TMC2: variants seen among roughly 807,000 people sequenced by gnomAD.
The protein encoded by TMC2 is transmembrane channel like 2.
A neutral mutation model predicts 105.9 loss-of-function variants in TMC2; 102 were observed. That is an observed-to-expected ratio of 0.96 (90% CI 0.82 to 1.14). The LOEUF is 1.14. Ranked by LOEUF, TMC2 falls within the 50% of genes most tolerant of loss-of-function variation. TMC2 has a pLI of 0.00. For missense variants in TMC2, 1,093 were observed against 1,134.3 expected, an observed-to-expected ratio of 0.96 and a Z score of 0.52; for synonymous variants, 402 against 422.8, an observed-to-expected ratio of 0.95 and a Z score of 0.60.
chr20:2,539,869 G>A (rs990674992), intron 2 of TMC2, among the ~76,000 whole-genome samples: 1 of 152,084 alleles, frequency 6.6e-6, no homozygotes, highest in Non-Finnish European at 1.5e-5. Context: ...CAGGGAGTGA[G>A]AAGAAGAAAG....
At chr20:2,568,797 C>T (rs6114972) in intron 4 of TMC2, among the ~76,000 whole-genome samples, 18,329 of 152,140 alleles carry the variant, frequency 0.12, 1,336 homozygotes, top group African/African-American at 0.19. Flanking sequence ...GGAGGACATA[C>T]AGCCCAGTTC....
chr20:2,542,619 C>A (rs562567705), intron 2 of TMC2, among the ~76,000 whole-genome samples: 1 of 152,136 alleles, frequency 6.6e-6, no homozygotes, highest in South Asian at 2.1e-4. Flanking sequence ...CTTTGTGAAG[C>A]ATTTCCAACA....
chr20:2,605,183 G>A (rs1242097642), intron 11 of TMC2, among the ~76,000 whole-genome samples: 1 of 151,826 alleles, frequency 6.6e-6, no homozygotes, highest in African/African-American at 2.4e-5. Context: ...TCAGAAAATT[G>A]GTTGGTATGG....
At chr20:2,550,503 G>T (rs1410993215) in intron 2 of TMC2, among the ~76,000 whole-genome samples, 2 of 152,132 alleles carry the variant, frequency 1.3e-5, no homozygotes, top group African/African-American at 4.8e-5. Context: ...TAACTAAAGT[G>T]CATATTTTAC....
At chr20:2,560,836 CAAAA>C (rs67659988) in intron 3 of TMC2, among the ~76,000 whole-genome samples, 3 of 126,142 alleles carry the variant, frequency 2.4e-5, no homozygotes, top group Admixed American at 8.0e-5. Flanking sequence ...GACTCCATCT[CAAAA>C]AAAAAAAAAA....
In TMC2 at chr20:2,558,918, C is replaced by A; in HGVS notation, c.401+144C>A. On this transcript the variant is annotated intron_variant, in intron 3 of 19. Coordinates refer to ENST00000358864, the MANE Select transcript of TMC2 (RefSeq NM_080751.3). This position sits in a 1 kb window ranked among gnomAD's most constrained non-coding sequence, Gnocchi z 4.6. ...TCGCTCTGGCTTCCGTGCCTCCCAG[C>A]CCTTACCACTGCCCCACTCTGCGGT... The A allele has an allele frequency of 1.2e-6, 1 of 810,562 alleles. No individual in the cohort carries two copies. Among genetic ancestry groups the A allele is most frequent in the Non-Finnish European group, 1.9e-6 (1 of 529,100 alleles). 50.2% of individuals were successfully genotyped at this position (810,562 alleles called of 1,614,324 possible).
At position 2,561,870 on chromosome 20, in the gene TMC2, GGCCTCCAGT is replaced by G; in HGVS notation, c.420_428del (p.Ser141_Ser143del). On this transcript the variant is annotated inframe_deletion, in exon 4 of 20. Transcript: ENST00000358864. ...GCTCTGCCTCCAGGTCATCCTCCTT[GGCCTCCAGT>G]GCCTCTGGTGGGGAGTCCCTGTCCG... The G allele has an allele frequency of 1.2e-6, 2 of 1,613,866 alleles. No individual in the cohort carries two copies. Among genetic ancestry groups the G allele is most frequent in the Non-Finnish European group, 1.7e-6 (2 of 1,179,900 alleles).
rs1019048159 is a variant in TMC2, at chr20:2,592,589, G to A, written c.933+181G>A. 2.6e-5 allele frequency among the ~76,000 whole-genome samples: 4 copies of A among 152,092 alleles called. No individual in the cohort carries two copies. The highest frequency in any genetic ancestry group is 4.8e-5 in the African/African-American group (2 of 41,408). On this transcript the variant is annotated intron_variant, in intron 8 of 19. Transcript: ENST00000358864. This position sits in a 1 kb window ranked among gnomAD's most constrained non-coding sequence, Gnocchi z 4.9. ...CACAGTCTTCCCGGGTCTCCTTCAC[G>A]CACTGCTCTCTCCAGCCACACTCTG...
At chr20:2,545,223 A>G (rs1037149929) in intron 2 of TMC2, among the ~76,000 whole-genome samples, 1 of 152,142 alleles carries the variant, frequency 6.6e-6, no homozygotes, top group African/African-American at 2.4e-5. Context: ...AAGTAAATAC[A>G]TACATACATA....
chr20:2,610,367 G>T, intron 11 of TMC2, 52 bp from the exon 12 acceptor site: 1 of 1,526,638 alleles, frequency 6.6e-7, no homozygotes. Flanking sequence ...AGAGATGGCA[G>T]CCAAACAAGT....
Position 2,542,512 on chromosome 20 carries a change from C to A in TMC2, c.82+5196C>A, listed in dbSNP as rs116049515. Among the ~76,000 whole-genome samples the A allele has an allele frequency of 9.5e-3, 1,449 of 152,122 alleles. 22 individuals are homozygous for A. Among genetic ancestry groups the A allele is most frequent in the African/African-American group, 0.032 (1,330 of 41,494 alleles). ...CTTTTAGTCCAAAAGGGCAGAGGAG[C>A]GACATATATCTAATTGCCTTCAGCT... On this transcript the variant is annotated intron_variant, in intron 2 of 19. Transcript: ENST00000358864.
chr20:2,586,821 T>C (rs796127222), intron 7 of TMC2, among the ~76,000 whole-genome samples: 35 of 152,344 alleles, frequency 2.3e-4, no homozygotes, highest in African/African-American at 7.5e-4. Context: ...CACTCATTTA[T>C]AAATTTTCCT....
At chr20:2,607,226 A>C (rs564349499) in intron 11 of TMC2, among the ~76,000 whole-genome samples, 1 of 152,182 alleles carries the variant, frequency 6.6e-6, no homozygotes, top group South Asian at 2.1e-4. Context: ...AAGTTAACGG[A>C]GCTCTCTCTT....
Position 2,613,244 on chromosome 20 carries a change from C to A in TMC2, c.1794C>A (p.Ile598=). The change falls in exon 14 of 20, where the codon ATC becomes ATA. Residue 598 remains isoleucine, a synonymous_variant. Coordinates refer to ENST00000358864, the MANE Select transcript of TMC2 (RefSeq NM_080751.3). ...ACATGCTGGTAACGTACATCACCAT[C>A]CTGCTGGGGGACTTCCTACGGGCTT... is the stretch of plus-strand genomic sequence containing the variant. ...VSDMLVTYIT[I]LLGDFLRACF... The A allele has an allele frequency of 1.9e-6, 3 of 1,614,114 alleles. No individual in the cohort carries two copies. The highest frequency in any genetic ancestry group is 2.5e-6 in the Non-Finnish European group (3 of 1,179,990).
At chr20:2,556,152 G>A (rs1020939991) in intron 2 of TMC2, among the ~76,000 whole-genome samples, 4 of 151,960 alleles carry the variant, frequency 2.6e-5, no homozygotes, top group Admixed American at 6.6e-5. Flanking sequence ...GCAGTGGTGC[G>A]ATCTCGTCTC....
At chr20:2,574,886 C>A (rs140394038) in intron 5 of TMC2, among the ~76,000 whole-genome samples, 2 of 152,092 alleles carry the variant, frequency 1.3e-5, no homozygotes, top group Admixed American at 1.3e-4. Flanking sequence ...CCACCATACC[C>A]GGCTAATTTT....
chr20:2,593,240 A>G (rs1468961779), intron 8 of TMC2, among the ~76,000 whole-genome samples: 2 of 152,180 alleles, frequency 1.3e-5, no homozygotes, highest in African/African-American at 2.4e-5. Context: ...TCATGAGAAC[A>G]GCATGGGGGA....
intron 7 of TMC2, among the ~76,000 whole-genome samples, chr20:2,584,392 C>A (rs1270483203): frequency 1.4e-5 from 2 of 141,520 alleles, no homozygotes; most frequent in African/African-American, 2.9e-5. Flanking sequence ...TGCAGTGAGC[C>A]GAGATCCCGC....
At chr20:2,570,974 C>T (rs2086098965) in intron 4 of TMC2, among the ~76,000 whole-genome samples, 1 of 152,228 alleles carries the variant, frequency 6.6e-6, no homozygotes, top group Middle Eastern at 3.4e-3. Flanking sequence ...TGGACCCCCG[C>T]CTCTCACCAT....
Sources: allele counts gnomAD v4.1 joint callset (sites outside exome capture counted in the v4.1 genomes callset), GRCh38; gene constraint gnomAD v4.1.1; non-coding constraint Gnocchi (gnomAD v3.1); transcripts MANE v1.5; gene names NCBI Gene and HGNC (gene_info 2026-07-23, HGNC 2026-07-21).